ZBTB7C: variants seen among roughly 807,000 people sequenced by gnomAD.
ZBTB7C encodes the protein zinc finger and BTB domain containing 7C, also known as zinc finger and BTB domain-containing protein 7C.
ZBTB7C carries 8 observed loss-of-function variants against 25.7 expected under a neutral mutation model. The ratio of observed to expected loss-of-function variants is 0.31; its 90% CI spans 0.18 to 0.56. ZBTB7C has a LOEUF of 0.56. Ranked by LOEUF, ZBTB7C falls within the 20% of genes least tolerant of loss-of-function variation. The pLI is 0.91. For synonymous variants in ZBTB7C, 394 were observed against 369.0 expected (o/e 1.07, Z -0.78); for missense variants, 824 against 855.2 (o/e 0.96, Z 0.46).
At chr18:48,398,451 T>C (rs911136915) in intron 1 of ZBTB7C, among the ~76,000 whole-genome samples, 9 of 152,144 alleles carry the variant, frequency 5.9e-5, no homozygotes, top group African/African-American at 2.2e-4. Flanking sequence ...TGCCACAAGC[T>C]GGGGTCAGGA....
chr18:48,226,880 C>T (rs2043110411), intron 2 of ZBTB7C, among the ~76,000 whole-genome samples: 2 of 152,018 alleles, frequency 1.3e-5, no homozygotes, highest in South Asian at 2.1e-4. Context: ...ATTAGCCAGG[C>T]GTGATGGCAC....
At chr18:48,125,874 G>T (rs2039782705) in intron 3 of ZBTB7C, among the ~76,000 whole-genome samples, 1 of 152,168 alleles carries the variant, frequency 6.6e-6, no homozygotes, top group South Asian at 2.1e-4. Flanking sequence ...TTCTAAGAAT[G>T]CAAGATATCA....
intron 2 of ZBTB7C, among the ~76,000 whole-genome samples, chr18:48,199,392 C>T (rs545177602): frequency 1.7e-4 from 26 of 151,914 alleles, no homozygotes; most frequent in South Asian, 4.2e-4. Flanking sequence ...TGAGAAAGTC[C>T]GTCATTTCTC....
chr18:48,245,079 A>AGTGT (rs375402994), intron 2 of ZBTB7C, among the ~76,000 whole-genome samples: 1 of 66,344 alleles, frequency 1.5e-5, no homozygotes, highest in Non-Finnish European at 3.2e-5. Context: ...AAAAAAAAGT[A>AGTGT]GTGTGTGTGT....
chr18:48,122,242 G>A (rs1165953405), intron 3 of ZBTB7C, among the ~76,000 whole-genome samples: 1 of 152,174 alleles, frequency 6.6e-6, no homozygotes, highest in African/African-American at 2.4e-5. Context: ...CCCAGTCCAT[G>A]GTGCTGTACA....
chr18:48,245,542 G>T (rs368156874), intron 2 of ZBTB7C, among the ~76,000 whole-genome samples: 3 of 144,234 alleles, frequency 2.1e-5, no homozygotes, highest in African/African-American at 5.1e-5. Flanking sequence ...ATACGCTCAA[G>T]AGTAAAAACA....
chr18:48,357,159 G>A (rs144174641), intron 1 of ZBTB7C, among the ~76,000 whole-genome samples: 117 of 152,356 alleles, frequency 7.7e-4, no homozygotes, highest in African/African-American at 2.7e-3. Context: ...ACACCGGAAG[G>A]TCTGTCCCAG....
At chr18:48,301,473 C>T (rs922256381) in intron 2 of ZBTB7C, among the ~76,000 whole-genome samples, 1 of 152,114 alleles carries the variant, frequency 6.6e-6, no homozygotes, top group Non-Finnish European at 1.5e-5. Context: ...AGTGAGACTC[C>T]ATCTCAAAAT....
At chr18:48,226,955 G>A (rs945786713) in intron 2 of ZBTB7C, among the ~76,000 whole-genome samples, 1 of 149,534 alleles carries the variant, frequency 6.7e-6, no homozygotes, top group African/African-American at 2.5e-5. Context: ...GGGAGGTGGA[G>A]GTTGCAGTGA....
At chr18:48,367,252 CAT>C (rs1268447421) in intron 1 of ZBTB7C, among the ~76,000 whole-genome samples, 40 of 101,706 alleles carry the variant, frequency 3.9e-4, no homozygotes, top group African/African-American at 1.2e-3. Context: ...CACACACACA[CAT>C]ATATAGTATA....
In ZBTB7C at chr18:48,357,433, T is replaced by G. The variant is rs114932882; in HGVS notation, c.-303-19035A>C. On this transcript the variant is annotated intron_variant, in intron 1 of 4. Coordinates refer to ENST00000590800, the MANE Select transcript of ZBTB7C (RefSeq NM_001318841.2). ...CTCCCAGGAGCCCTTCCCTGACACATAGGAAAGGTGACAATGAAACAGAGA... is the reference window on the plus strand; with the variant it reads ...CTCCCAGGAGCCCTTCCCTGACACAGAGGAAAGGTGACAATGAAACAGAGA... Among the ~76,000 whole-genome samples, 887 of 152,134 alleles carry G rather than the reference T, an allele frequency of 5.8e-3. 5 individuals carry two copies. Among genetic ancestry groups the G allele is most frequent in the African/African-American group, 0.018 (753 of 41,504 alleles).
intron 3 of ZBTB7C, among the ~76,000 whole-genome samples, chr18:48,095,520 TG>T (rs796543191): frequency 2.1e-4 from 32 of 152,214 alleles, no homozygotes; most frequent in African/African-American, 7.7e-4. Context: ...GAGACCAGCC[TG>T]GTCAACATGG....
intron 1 of ZBTB7C, among the ~76,000 whole-genome samples, chr18:48,365,975 C>T (rs1262412782): frequency 6.6e-6 from 1 of 152,162 alleles, no homozygotes; most frequent in African/African-American, 2.4e-5. Flanking sequence ...AGACTGTTGG[C>T]CAATGTCCCT....
chr18:48,153,344 AGAGGATCTGCCT>A (rs1342859608), intron 3 of ZBTB7C, among the ~76,000 whole-genome samples: 1 of 152,230 alleles, frequency 6.6e-6, no homozygotes, highest in Non-Finnish European at 1.5e-5. Flanking sequence ...AAGGAAGTTT[AGAGGATCTGCCT>A]GAGGTCAGCT....
chr18:48,259,444 A>G (rs1299411052), intron 2 of ZBTB7C, among the ~76,000 whole-genome samples: 1 of 127,624 alleles, frequency 7.8e-6, no homozygotes, highest in East Asian at 2.8e-4. Flanking sequence ...ATTTTTGGAC[A>G]AAAACAAGAG....
chr18:48,046,893 A>C (rs2036495186), intron 3 of ZBTB7C, among the ~76,000 whole-genome samples: 1 of 152,206 alleles, frequency 6.6e-6, no homozygotes, highest in Non-Finnish European at 1.5e-5. Flanking sequence ...CAGAAGCGCA[A>C]AGTGGATCTG....
chr18:48,288,227 T>G (rs1249536082), intron 2 of ZBTB7C, among the ~76,000 whole-genome samples: 1 of 152,372 alleles, frequency 6.6e-6, no homozygotes, highest in South Asian at 2.1e-4. Flanking sequence ...ACTGAATGTT[T>G]ATGTCCCTTC....
At chr18:48,319,540 C>T (rs2046039544) in intron 2 of ZBTB7C, among the ~76,000 whole-genome samples, 1 of 152,118 alleles carries the variant, frequency 6.6e-6, no homozygotes, top group Admixed American at 6.5e-5. Flanking sequence ...ATGGCACATG[C>T]AATGGTGTAG....
intron 1 of ZBTB7C, among the ~76,000 whole-genome samples, chr18:48,349,997 C>T (rs1773632868): frequency 6.6e-6 from 1 of 152,254 alleles, no homozygotes; most frequent in South Asian, 2.1e-4. Flanking sequence ...CTGCACGGCA[C>T]TACACTGAAA....
Sources: gnomAD v4.1 joint callset for allele counts (sites outside exome capture counted in the v4.1 genomes callset) on GRCh38, gnomAD v4.1.1 for gene constraint, MANE v1.5 for transcripts, NCBI Gene and HGNC (gene_info 2026-07-23, HGNC 2026-07-21) for gene names.